The following KLF12 variants were observed in gnomAD, a reference collection of about 807,000 sequenced individuals.
KLF12 encodes KLF transcription factor 12.
KLF12 carries 9 observed loss-of-function variants against 37.8 expected under a neutral mutation model. The ratio of observed to expected loss-of-function variants is 0.24; its 90% CI spans 0.14 to 0.42. The LOEUF (loss-of-function observed/expected upper bound fraction) is 0.42. Among genes scored for constraint, KLF12 ranks in the 10% least tolerant of loss-of-function variants. The pLI is 1.00. For synonymous variants in KLF12, 208 were observed against 202.1 expected (o/e 1.03, Z -0.25); for missense variants, 411 against 516.0 (o/e 0.80, Z 1.97).
chr13:74,143,659 C>CT, the KLF12 span, among the ~76,000 whole-genome samples: 1 of 152,156 alleles, frequency 6.6e-6, no homozygotes, highest in African/African-American at 2.4e-5. Flanking sequence ...CTATGTAGTG[C>CT]TTATCATCAT....
chr13:74,104,605 T>C (rs570014071), intron 1 of KLF12, among the ~76,000 whole-genome samples: 2 of 152,354 alleles, frequency 1.3e-5, no homozygotes, highest in South Asian at 4.1e-4. Context: ...GAAAATATAA[T>C]ATCGCTTGAG....
intron 1 of KLF12, among the ~76,000 whole-genome samples, chr13:74,061,451 G>T (rs1324913): frequency 0.39 from 58,623 of 151,792 alleles, 12,158 homozygotes; most frequent in African/African-American, 0.53. Flanking sequence ...TTTCCTAATT[G>T]CCCTCTAAAG....
chr13:74,018,102 TA>T (rs1443752396), intron 1 of KLF12, among the ~76,000 whole-genome samples: 1 of 151,546 alleles, frequency 6.6e-6, no homozygotes, highest in Admixed American at 6.6e-5. Flanking sequence ...TTTTTTTACT[TA>T]AAAAAATATA....
At chr13:74,022,486 A>G (rs1274225823) in intron 1 of KLF12, among the ~76,000 whole-genome samples, 1 of 151,932 alleles carries the variant, frequency 6.6e-6, no homozygotes, top group Admixed American at 6.5e-5. Flanking sequence ...GCATTTTTCA[A>G]ATTTTGTCTC....
At chr13:74,294,376 T>G in the KLF12 span, among the ~76,000 whole-genome samples, 1 of 152,148 alleles carries the variant, frequency 6.6e-6, no homozygotes, top group South Asian at 2.1e-4. Flanking sequence ...AATAAGAGAA[T>G]TTTTAAGGAG....
At chr13:73,831,742 G>C (rs1884174581) in intron 4 of KLF12, among the ~76,000 whole-genome samples, 1 of 152,130 alleles carries the variant, frequency 6.6e-6, no homozygotes, top group South Asian at 2.1e-4. Context: ...AATTTGGGAA[G>C]GGAATTGGCA....
rs1028685143 is a variant in KLF12 at position 73,996,500 on chromosome 13, A to G, written c.-31-1447T>C. Among the ~76,000 whole-genome samples, 11 of 152,354 alleles carry G rather than the reference A, an allele frequency of 7.2e-5. 1 individual carries two copies. Among genetic ancestry groups the G allele is most frequent in the Middle Eastern group, 3.4e-3 (1 of 294 alleles). On this transcript the variant is annotated intron_variant, in intron 1 of 7. Transcript: ENST00000377669. ...TCATTATTTTTCACAGGGTAGTTCT[A>G]TAATTTTTTTCATTTAATGTGCCAT...
intron 2 of KLF12, among the ~76,000 whole-genome samples, chr13:73,982,153 A>G (rs1891704117): frequency 6.6e-6 from 1 of 152,256 alleles, no homozygotes; most frequent in African/African-American, 2.4e-5. Context: ...TTTGAAAAAC[A>G]TTAACTTCAT....
At chr13:74,040,681 T>C (rs1486004191) in intron 1 of KLF12, among the ~76,000 whole-genome samples, 3 of 152,246 alleles carry the variant, frequency 2.0e-5, no homozygotes. Context: ...TTCTCCATGA[T>C]TCCTTTAGGG....
rs1419731046 is a variant in KLF12, at chr13:73,693,706, A to C, written c.*1784T>G. On this transcript the variant is annotated 3_prime_UTR_variant, in exon 8 of 8. Coordinates refer to ENST00000377669, the MANE Select transcript of KLF12 (RefSeq NM_007249.5). ...GTAATATTGTGAGGTTAATATGTGCAATTCCCAAAATCAAGTGTTTGTAAT... is the reference window on the plus strand; with the variant it reads ...GTAATATTGTGAGGTTAATATGTGCCATTCCCAAAATCAAGTGTTTGTAAT... 6.6e-6 allele frequency: 1 copy of C among 152,646 alleles called. No individual in the cohort carries two copies. Among genetic ancestry groups the C allele is most frequent in the Non-Finnish European group, 1.5e-5 (1 of 68,036 alleles). 9.5% of individuals were successfully genotyped at this position (152,646 alleles called of 1,614,324 possible).
chr13:73,707,927 G>A (rs552429236), intron 7 of KLF12, among the ~76,000 whole-genome samples: 24 of 152,236 alleles, frequency 1.6e-4, no homozygotes, highest in South Asian at 4.1e-4. Context: ...ATTTAGGATC[G>A]CTATGTGTGG....
At chr13:73,954,102 C>T (rs962476046) in intron 2 of KLF12, among the ~76,000 whole-genome samples, 2 of 150,766 alleles carry the variant, frequency 1.3e-5, no homozygotes, top group African/African-American at 2.4e-5. Flanking sequence ...CCTCAGTCTC[C>T]GGAGCAGCTG....
At chr13:74,244,910 G>A in the KLF12 span, among the ~76,000 whole-genome samples, 1 of 152,196 alleles carries the variant, frequency 6.6e-6, no homozygotes, top group Non-Finnish European at 1.5e-5. Context: ...ACCACTGGTG[G>A]ATTTTAAGAT....
intron 2 of KLF12, among the ~76,000 whole-genome samples, chr13:73,975,593 T>C (rs187557645): frequency 6.6e-6 from 1 of 152,236 alleles, no homozygotes; most frequent in Non-Finnish European, 1.5e-5. Context: ...AAAATGCAAA[T>C]CTCATCATCT....
chr13:74,063,491 C>G (rs1343810722), intron 1 of KLF12, among the ~76,000 whole-genome samples: 2 of 152,180 alleles, frequency 1.3e-5, no homozygotes, highest in African/African-American at 4.8e-5. Context: ...ATATCTTCCT[C>G]AAGAATAGTA....
chr13:73,926,628 CTCTT>C (rs1193078657), intron 3 of KLF12, among the ~76,000 whole-genome samples: 2 of 77,450 alleles, frequency 2.6e-5, no homozygotes, highest in African/African-American at 6.1e-5. Flanking sequence ...TTCTCTCTCT[CTCTT>C]TTTTTTTTTT....
At chr13:73,987,514 T>G (rs1387921992) in intron 2 of KLF12, among the ~76,000 whole-genome samples, 2 of 151,816 alleles carry the variant, frequency 1.3e-5, no homozygotes, top group African/African-American at 4.8e-5. Context: ...GTACTCTAAA[T>G]AGCTTAGCTG....
At chr13:74,261,035 C>T in the KLF12 span, among the ~76,000 whole-genome samples, 3 of 152,078 alleles carry the variant, frequency 2.0e-5, no homozygotes, top group Non-Finnish European at 4.4e-5. Context: ...ACATTGGGTA[C>T]GGTGCTCAGG....
chr13:74,127,147 G>T (rs1474801344), intron 1 of KLF12, among the ~76,000 whole-genome samples: 3 of 152,086 alleles, frequency 2.0e-5, no homozygotes, highest in Non-Finnish European at 4.4e-5. Context: ...GGGAATACAG[G>T]CACACGCCAC....
Sources: allele counts gnomAD v4.1 joint callset (sites outside exome capture counted in the v4.1 genomes callset), GRCh38; gene constraint gnomAD v4.1.1; transcripts MANE v1.5; gene names NCBI Gene and HGNC (gene_info 2026-07-23, HGNC 2026-07-21).